The following CDH12 variants were observed in gnomAD, a reference collection of about 807,000 sequenced individuals.
CDH12 encodes the protein cadherin 12, also known as cadherin-12.
A neutral mutation model predicts 74.1 loss-of-function variants in CDH12; 41 were observed. The observed-to-expected ratio is 0.55, with a 90% CI of 0.43 to 0.72. The LOEUF is 0.72. Ranked by LOEUF, CDH12 falls within the 30% of genes least tolerant of loss-of-function variation. The probability of loss-of-function intolerance (pLI) is 0.00; values close to 1 mark genes in which losing one functional copy is unlikely to be tolerated. For synonymous variants in CDH12, 399 were observed against 355.0 expected (o/e 1.12, Z -1.39); for missense variants, 945 against 977.2 (o/e 0.97, Z 0.44).
intron 6 of CDH12, among the ~76,000 whole-genome samples, chr5:21,967,702 A>T (rs1023318139): frequency 1.1e-4 from 16 of 152,194 alleles, no homozygotes; most frequent in Non-Finnish European, 1.9e-4. Flanking sequence ...TCAAGGCTAC[A>T]CAAAAAGTGT....
intron 1 of CDH12, among the ~76,000 whole-genome samples, chr5:22,677,273 T>C (rs1341026010): frequency 6.6e-6 from 1 of 152,084 alleles, no homozygotes; most frequent in African/African-American, 2.4e-5. Flanking sequence ...ATACCTTAGA[T>C]TGGATAATTT....
intron 1 of CDH12, among the ~76,000 whole-genome samples, chr5:22,844,405 T>G (rs1046474857): frequency 6.6e-6 from 1 of 152,106 alleles, no homozygotes; most frequent in Admixed American, 6.6e-5. Flanking sequence ...TTCACTTTAC[T>G]GAAGCAGCCC....
intron 5 of CDH12, among the ~76,000 whole-genome samples, chr5:22,017,350 T>C (rs1471814645): frequency 5.3e-5 from 8 of 152,086 alleles, no homozygotes; most frequent in South Asian, 2.1e-4. Flanking sequence ...ACAAGTGTAG[T>C]AGCAATTCCA....
chr5:22,603,474 C>T (rs974918097), intron 1 of CDH12, among the ~76,000 whole-genome samples: 1 of 152,132 alleles, frequency 6.6e-6, no homozygotes, highest in Non-Finnish European at 1.5e-5. Flanking sequence ...TATGTACACA[C>T]ACGTAGCTGA....
At chr5:22,127,817 CTGGAAGCAGCTCTGAATGTGA>C (rs1044578149) in intron 4 of CDH12, among the ~76,000 whole-genome samples, 73 of 152,252 alleles carry the variant, frequency 4.8e-4, no homozygotes, top group African/African-American at 1.6e-3. Context: ...ACTGGACTCT[CTGGAAGCAGCTCTGAATGTGA>C]TAGGATGGAG....
intron 1 of CDH12, among the ~76,000 whole-genome samples, chr5:22,777,417 G>C (rs768855818): frequency 5.9e-5 from 9 of 152,056 alleles, no homozygotes; most frequent in Non-Finnish European, 1.2e-4. Context: ...AATAGTCTTT[G>C]ACTTCATGAA....
chr5:22,124,185 C>T (rs929586166), intron 4 of CDH12, among the ~76,000 whole-genome samples: 5 of 151,892 alleles, frequency 3.3e-5, no homozygotes, highest in Admixed American at 6.6e-5. Context: ...GAGACAGAGT[C>T]TCGCTTCGTC....
intron 1 of CDH12, among the ~76,000 whole-genome samples, chr5:22,547,159 C>T (rs1419393453): frequency 6.6e-6 from 1 of 152,070 alleles, no homozygotes; most frequent in African/African-American, 2.4e-5. Context: ...TAAAATAAAA[C>T]AAACTCATGT....
chr5:22,603,610 C>T (rs1476201775), intron 1 of CDH12, among the ~76,000 whole-genome samples: 1 of 152,030 alleles, frequency 6.6e-6, no homozygotes, highest in Non-Finnish European at 1.5e-5. Flanking sequence ...AGTGTGGTTA[C>T]TCAGAAGGCA....
At chr5:21,904,195 TG>T (rs1753529108) in intron 6 of CDH12, among the ~76,000 whole-genome samples, 1 of 152,264 alleles carries the variant, frequency 6.6e-6, no homozygotes, top group East Asian at 1.9e-4. Flanking sequence ...TGGTGGTGTT[TG>T]GGTTCTTTTT....
intron 1 of CDH12, among the ~76,000 whole-genome samples, chr5:22,525,244 A>G (rs965221554): frequency 4.6e-5 from 7 of 152,106 alleles, no homozygotes; most frequent in Admixed American, 1.3e-4. Context: ...AGTCTTTGCT[A>G]TTGTGAATAG....
chr5:22,543,644 G>C (rs971564357), intron 1 of CDH12, among the ~76,000 whole-genome samples: 3 of 152,010 alleles, frequency 2.0e-5, no homozygotes, highest in African/African-American at 7.2e-5. Context: ...TAAAAAAAAG[G>C]CACAGGCAAT....
At chr5:22,102,151 G>C (rs1744173716) in intron 4 of CDH12, among the ~76,000 whole-genome samples, 1 of 152,016 alleles carries the variant, frequency 6.6e-6, no homozygotes, top group Non-Finnish European at 1.5e-5. Context: ...CTTTAAAACT[G>C]TTATGTTTGT....
chr5:22,256,169 A>T (rs1425581102), intron 3 of CDH12, among the ~76,000 whole-genome samples: 2 of 152,154 alleles, frequency 1.3e-5, no homozygotes, highest in Non-Finnish European at 2.9e-5. Context: ...TCTATTCAAC[A>T]TGACTTTATT....
intron 4 of CDH12, among the ~76,000 whole-genome samples, chr5:22,119,553 G>A (rs1163653487): frequency 1.3e-5 from 2 of 151,968 alleles, no homozygotes; most frequent in East Asian, 1.9e-4. Flanking sequence ...GCCTTCCAAA[G>A]TGCTGGGATT....
At chr5:22,094,663 A>T (rs1242051176) in intron 4 of CDH12, among the ~76,000 whole-genome samples, 1 of 152,166 alleles carries the variant, frequency 6.6e-6, no homozygotes, top group Non-Finnish European at 1.5e-5. Flanking sequence ...GCCCAGCTAC[A>T]TATCAGTATA....
chr5:22,200,399 G>A (rs1468623308), intron 4 of CDH12, among the ~76,000 whole-genome samples: 5 of 152,086 alleles, frequency 3.3e-5, no homozygotes, highest in African/African-American at 9.7e-5. Flanking sequence ...GAAAATTGAC[G>A]TGTGAGTTAA....
intron 4 of CDH12, chr5:22,139,413 C>T (rs1285943034): frequency 5.5e-5 from 6 of 109,740 alleles, no homozygotes. Context: ...CTACATTATG[C>T]TTCCATTTAG....
intron 10 of CDH12, among the ~76,000 whole-genome samples, chr5:21,787,939 TTAA>T (rs1406585377): frequency 2.6e-5 from 4 of 152,174 alleles, no homozygotes; most frequent in African/African-American, 9.6e-5. Flanking sequence ...TATGCCTAAT[TTAA>T]TAAGAAAATT....
Sources: allele counts gnomAD v4.1 joint callset (sites outside exome capture counted in the v4.1 genomes callset), GRCh38; gene constraint gnomAD v4.1.1; transcripts MANE v1.5; gene names NCBI Gene and HGNC (gene_info 2026-07-23, HGNC 2026-07-21).